Variants in SENP7 observed in about 807,000 individuals in gnomAD.
The protein encoded by SENP7 is sentrin-specific protease 7.
A neutral mutation model predicts 141.2 loss-of-function variants in SENP7; 64 were observed. The observed-to-expected ratio is 0.45, with a 90% confidence interval of 0.37 to 0.56. SENP7 has a LOEUF of 0.56. SENP7 is among the 20% of genes least tolerant of loss of function. The pLI, the probability that SENP7 is intolerant of heterozygous loss-of-function variation, is 0.00. For missense variants in SENP7, 1,025 were observed against 1,212.2 expected (o/e 0.85, Z 2.29); for synonymous variants, 382 against 426.4 (o/e 0.90, Z 1.28).
intron 4 of SENP7, among the ~76,000 whole-genome samples, chr3:101,447,676 T>C (rs1250672622): frequency 6.6e-6 from 1 of 152,162 alleles, no homozygotes; most frequent in Admixed American, 6.5e-5. Context: ...AGTCTACAGA[T>C]TCAATACAAT....
At chr3:101,365,016 T>C (rs780613330) in intron 9 of SENP7, 25 bp from the exon 10 acceptor site, 1 of 1,357,142 alleles carries the variant, frequency 7.4e-7, no homozygotes. Flanking sequence ...AAAAATGTAT[T>C]TTTGTTTATT....
chr3:101,326,013 G>T lies in SENP7; in HGVS notation c.3083C>A (p.Thr1028Asn), dbSNP rs757536413. The change falls in exon 24 of 24, where the codon ACC (threonine) becomes AAC (asparagine). Residue 1028 changes from threonine (T) to asparagine (N), a missense_variant. Coordinates refer to ENST00000394095, the MANE Select transcript of SENP7 (RefSeq NM_020654.5). ...GAGCTCTCGAATATCTTCCCGTTTG[G>T]TCTTTATTACATGACGAGGAAACCA... is the stretch of plus-strand genomic sequence containing the variant. ...EKWFPRHVIKTKREDIRELIL... is the reference protein window; with the variant it reads ...EKWFPRHVIKNKREDIRELIL... The T allele has an allele frequency of 3.1e-6, 5 of 1,610,550 alleles. No individual in the cohort carries two copies. The African/African-American group carries it at 6.7e-5, about 22-fold the overall frequency.
chr3:101,457,529 G>A (rs929172990), intron 4 of SENP7: 95 of 1,608,424 alleles, frequency 5.9e-5, no homozygotes, highest in Non-Finnish European at 7.6e-5. Flanking sequence ...CTGTTCCTTG[G>A]TTTGTAAACA....
chr3:101,490,843 C>T (rs994486612), intron 3 of SENP7, among the ~76,000 whole-genome samples: 5 of 152,092 alleles, frequency 3.3e-5, no homozygotes, highest in Non-Finnish European at 5.9e-5. Flanking sequence ...ACTTGCACAG[C>T]CTCAAACACT....
At chr3:101,358,512 A>G (rs1285429015) in intron 11 of SENP7, 2 of 275,134 alleles carry the variant, frequency 7.3e-6, no homozygotes, top group Non-Finnish European at 1.5e-5. Flanking sequence ...CCCTACAAAT[A>G]TAAAGAATGT....
At chr3:101,360,609 A>C (rs2059869805) in intron 11 of SENP7, among the ~76,000 whole-genome samples, 1 of 152,234 alleles carries the variant, frequency 6.6e-6, no homozygotes, top group Admixed American at 6.5e-5. Flanking sequence ...CACTTCAACA[A>C]ACATTTAAGT....
chr3:101,407,798 G>A (rs939006086), intron 5 of SENP7, among the ~76,000 whole-genome samples: 5 of 152,106 alleles, frequency 3.3e-5, no homozygotes, highest in Non-Finnish European at 7.4e-5. Context: ...ATGCTAAGAG[G>A]AAAGTTCATA....
Position 101,493,865 on chromosome 3 carries a change from T to C in SENP7, c.186+8A>G. 6.6e-7 allele frequency: 1 copy of C among 1,508,170 alleles called. No individual in the cohort carries two copies. The highest frequency in any genetic ancestry group is 1.4e-5 in the African/African-American group (1 of 73,122). The allele number at this position is 1,508,170 out of a possible 1,614,324, so 93.4% of individuals were successfully genotyped here. ...GTATACTTAAAATAAATTAATTTTATTTACCACCTGCAAAGGGAGAGTCCA... is the reference window on the plus strand; with the variant it reads ...GTATACTTAAAATAAATTAATTTTACTTACCACCTGCAAAGGGAGAGTCCA... On this transcript the variant is annotated splice_region_variant and intron_variant, in intron 3 of 23. Transcript: ENST00000394095.
At chr3:101,416,483 A>C (rs1479997180) in intron 5 of SENP7, among the ~76,000 whole-genome samples, 1 of 152,192 alleles carries the variant, frequency 6.6e-6, no homozygotes, top group Non-Finnish European at 1.5e-5. Context: ...TTTTATTTAC[A>C]TCTGTCAGTG....
chr3:101,406,909 C>T (rs1229389265), intron 5 of SENP7, among the ~76,000 whole-genome samples: 1 of 152,190 alleles, frequency 6.6e-6, no homozygotes, highest in Admixed American at 6.5e-5. Flanking sequence ...GACTGGAGCC[C>T]TATCTTCACC....
In SENP7 at chr3:101,398,916, T is replaced by A; in HGVS notation, c.622A>T (p.Ser208Cys). The A allele has an allele frequency of 6.2e-7, 1 of 1,612,430 alleles. No individual in the cohort carries two copies. The highest frequency in any genetic ancestry group is 8.5e-7 in the Non-Finnish European group (1 of 1,178,924). Residue 208 changes from serine to cysteine, a missense_variant, in exon 6 of 24, where the codon AGC becomes TGC. Ser to Cys is a moderately radical substitution (Grantham distance 112). This residue lies in a region of SENP7 where 496 missense variants were observed against 503.5 expected (regional missense o/e 0.99). Coordinates refer to ENST00000394095, the MANE Select transcript of SENP7 (RefSeq NM_020654.5). ...SEQLSSSSDG[S>C]LESYQNLNPH... is the part of the protein sequence containing the mutation. ...TTTAGATTTTGATAAGATTCTAGGC[T>A]GCCATCAGATGATGAAGAAAGTTGC...
In SENP7 at chr3:101,445,093, G is replaced by A. The variant is rs78291375; in HGVS notation, c.284+13862C>T. 9.6e-3 allele frequency among the ~76,000 whole-genome samples: 1,455 copies of A among 152,064 alleles called. 23 individuals carry two copies. Among genetic ancestry groups the A allele is most frequent in the African/African-American group, 0.033 (1,380 of 41,506 alleles). On this transcript the variant is annotated intron_variant, in intron 4 of 23. Transcript: ENST00000394095. Reference sequence around the variant, plus strand: ...CAGAAATCTAAAAATAGCAAGAGAAGAGCATCAAGTCACATATAAGGGAAT... The same window carrying A: ...CAGAAATCTAAAAATAGCAAGAGAAAAGCATCAAGTCACATATAAGGGAAT...
chr3:101,495,463 C>A (rs1315634183), intron 2 of SENP7, among the ~76,000 whole-genome samples: 1 of 152,100 alleles, frequency 6.6e-6, no homozygotes, highest in Non-Finnish European at 1.5e-5. Context: ...ATGTTTGCTG[C>A]AACACTATTC....
At chr3:101,431,508 C>CTTTTTTTTTTTTTTTT (rs56937965) in intron 4 of SENP7, among the ~76,000 whole-genome samples, 9 of 82,908 alleles carry the variant, frequency 1.1e-4, no homozygotes, top group Non-Finnish European at 1.6e-4. Flanking sequence ...GCAACCCCTG[C>CTTTTTTTTTTTTTTTT]TTTTTTTTTT....
At chr3:101,426,159 G>C (rs560258687) in intron 4 of SENP7, among the ~76,000 whole-genome samples, 1 of 152,230 alleles carries the variant, frequency 6.6e-6, no homozygotes, top group East Asian at 1.9e-4. Context: ...TCATTCATGA[G>C]TTCTGTCACC....
At chr3:101,383,098 C>T (rs921602975) in intron 6 of SENP7, among the ~76,000 whole-genome samples, 1 of 152,152 alleles carries the variant, frequency 6.6e-6, no homozygotes, top group Non-Finnish European at 1.5e-5. Flanking sequence ...AACTATATCC[C>T]CATGCTAGAG....
rs969844130 is a variant in SENP7, at chr3:101,403,572, T to C, written c.483-4517A>G. Among the ~76,000 whole-genome samples, 10 of 152,350 alleles carry C rather than the reference T, an allele frequency of 6.6e-5. No individual in the cohort carries two copies. The South Asian group carries it at 2.1e-3, about 32-fold the overall frequency. On this transcript the variant is annotated intron_variant, in intron 5 of 23. Coordinates refer to ENST00000394095, the MANE Select transcript of SENP7 (RefSeq NM_020654.5). ...TGCTAATTTGCCAAAGGATTCCAGA[T>C]AACTGAGATTGCCAACAGATACTTC...
Position 101,504,442 on chromosome 3 carries a change from A to C in SENP7, c.41-3323T>G, listed in dbSNP as rs972159642. Among the ~76,000 whole-genome samples the C allele has an allele frequency of 1.2e-3, 66 of 55,964 alleles. 1 individual carries two copies. The highest frequency in any genetic ancestry group is 2.4e-3 in the Non-Finnish European group (57 of 24,120). The allele number at this position is 55,964 out of a possible 152,430, so 36.7% of individuals were successfully genotyped here. A position where few individuals can be genotyped will look rare whatever the true frequency, so the allele number is the denominator to read the frequency against. ...CCATTGCACTCCATCCTAGGCAACGAGGGCAAAATTCCATCTCAAAAAAAA... is the reference window on the plus strand; with the variant it reads ...CCATTGCACTCCATCCTAGGCAACGCGGGCAAAATTCCATCTCAAAAAAAA... On this transcript the variant is annotated intron_variant, in intron 1 of 23. Transcript: ENST00000394095.
In SENP7 at chr3:101,337,491, A is replaced by G; in HGVS notation, c.2480+18T>C. On this transcript the variant is annotated intron_variant, in intron 17 of 23. Transcript: ENST00000394095. ...ACATTTTCTCTTAAAACTTAAGTAC[A>G]TTAGAGGATTAACTTACGAAAGATT... is the stretch of plus-strand genomic sequence containing the variant. The G allele has an allele frequency of 3.4e-6, 5 of 1,482,520 alleles. No individual in the cohort carries two copies. The South Asian group carries it at 4.8e-5, about 14-fold the overall frequency. The allele number at this position is 1,482,520 out of a possible 1,614,324, so 91.8% of individuals were successfully genotyped here.
Sources: gnomAD v4.1 joint callset for allele counts (sites outside exome capture counted in the v4.1 genomes callset) on GRCh38, gnomAD v4.1.1 for gene constraint, gnomAD v4.1.1 regional missense constraint, MANE v1.5 for transcripts, NCBI Gene and HGNC (gene_info 2026-07-23, HGNC 2026-07-21) for gene names.